The following HACD4 variants were observed in gnomAD, a reference collection of about 807,000 sequenced individuals.
The protein encoded by HACD4 is 3-hydroxyacyl-CoA dehydratase 4, also known as very-long-chain (3R)-3-hydroxyacyl-CoA dehydratase 4.
In HACD4, 35 loss-of-function variants were observed where a neutral mutation model predicts 33.3. The ratio of observed to expected loss-of-function variants is 1.05; its 90% CI spans 0.80 to 1.39. The LOEUF is 1.39. Among genes scored for constraint, HACD4 ranks in the 40% most tolerant of loss-of-function variants. The probability of loss-of-function intolerance (pLI) is 0.00; values close to 1 mark genes in which losing one functional copy is unlikely to be tolerated. For missense variants in HACD4, 323 were observed against 276.5 expected, an observed-to-expected ratio of 1.17 and a Z score of -1.19; for synonymous variants, 118 against 98.0, an observed-to-expected ratio of 1.20 and a Z score of -1.21.
intron 3 of HACD4, among the ~76,000 whole-genome samples, chr9:21,020,683 CT>C (rs1351661053): frequency 6.6e-6 from 1 of 152,078 alleles, no homozygotes; most frequent in Non-Finnish European, 1.5e-5. Context: ...TTTTATGCTT[CT>C]TTTGGACCAT....
chr9:21,009,728 G>A (rs905277150), intron 5 of HACD4, among the ~76,000 whole-genome samples: 6 of 152,092 alleles, frequency 3.9e-5, no homozygotes, highest in African/African-American at 1.4e-4. Context: ...ATTAAGCACA[G>A]TCACCCTGCT....
intron 3 of HACD4, among the ~76,000 whole-genome samples, chr9:21,019,701 T>A (rs1817855238): frequency 6.6e-6 from 1 of 152,082 alleles, no homozygotes; most frequent in African/African-American, 2.4e-5. Context: ...GATTCTAAAA[T>A]CTTACCTACA....
intron 3 of HACD4, among the ~76,000 whole-genome samples, chr9:21,019,761 A>C (rs12379193): frequency 0.024 from 3,607 of 152,170 alleles, 67 homozygotes; most frequent in Middle Eastern, 0.071. Context: ...AAATTTGGAG[A>C]ATGTTACAAC....
In HACD4 at chr9:21,000,257, T is replaced by G. The variant is rs925755170; in HGVS notation, c.*6780A>C. The G allele has an allele frequency of 6.6e-6, 1 of 152,204 alleles. No homozygotes were observed. Among genetic ancestry groups the G allele is most frequent in the Non-Finnish European group, 1.5e-5 (1 of 68,018 alleles). The allele number at this position is 152,204 out of a possible 1,614,324, so 9.4% of individuals were successfully genotyped here. On this transcript the variant is annotated 3_prime_UTR_variant, in exon 7 of 7. Coordinates refer to ENST00000495827, the MANE Select transcript of HACD4 (RefSeq NM_001010915.5). ...GCAAAAATAAACTAGTTAGTAATTC[T>G]TACTTGGCATGTTAAAAACATGTTC...
Position 21,003,736 on chromosome 9 carries a change from C to A in HACD4, c.*3301G>T, listed in dbSNP as rs1013536299. Reference sequence around the variant, plus strand: ...CTTTACCAAAAATTGAGTGATACATCAATGATACAGCAATGACTATCAGTT... The same window carrying A: ...CTTTACCAAAAATTGAGTGATACATAAATGATACAGCAATGACTATCAGTT... On this transcript the variant is annotated 3_prime_UTR_variant, in exon 7 of 7. Coordinates refer to ENST00000495827, the MANE Select transcript of HACD4 (RefSeq NM_001010915.5). The A allele has an allele frequency of 2.6e-5, 4 of 152,046 alleles. No homozygotes were observed. Among genetic ancestry groups the A allele is most frequent in the Non-Finnish European group, 5.9e-5 (4 of 67,984 alleles). The allele number at this position is 152,046 out of a possible 1,614,324, so 9.4% of individuals were successfully genotyped here.
Position 21,005,416 on chromosome 9 carries a change from T to G in HACD4, c.*1621A>C, listed in dbSNP as rs1392439206. 1 of 152,170 alleles carries G rather than the reference T, an allele frequency of 6.6e-6. No individual in the cohort carries two copies. Among genetic ancestry groups the G allele is most frequent in the Non-Finnish European group, 1.5e-5 (1 of 68,046 alleles). The allele number at this position is 152,170 out of a possible 1,614,324, so 9.4% of individuals were successfully genotyped here. A position where few individuals can be genotyped will look rare whatever the true frequency, so the allele number is the denominator to read the frequency against. ...AGCAGACAAGTCATCCAATTAGATT[T>G]ATGTGGGTGTGAACCACAGACCTAA... On this transcript the variant is annotated 3_prime_UTR_variant, in exon 7 of 7. Transcript: ENST00000495827. The surrounding 1 kb of genome is among the most constrained non-coding windows in gnomAD (Gnocchi z 4.0).
At chr9:21,007,598 G>A (rs1334646124) in intron 6 of HACD4, among the ~76,000 whole-genome samples, 1 of 152,100 alleles carries the variant, frequency 6.6e-6, no homozygotes, top group African/African-American at 2.4e-5. Flanking sequence ...TCTTGAGTCT[G>A]TAACACCGAC....
At chr9:21,028,613 T>G (rs1818126550) in intron 2 of HACD4, among the ~76,000 whole-genome samples, 1 of 152,226 alleles carries the variant, frequency 6.6e-6, no homozygotes, top group African/African-American at 2.4e-5. Context: ...AGCCAGCAGT[T>G]GCTTAGATTG....
At chr9:21,029,982 A>C (rs1818166000) in intron 1 of HACD4, among the ~76,000 whole-genome samples, 1 of 152,164 alleles carries the variant, frequency 6.6e-6, no homozygotes, top group African/African-American at 2.4e-5. Flanking sequence ...CACCATCACA[A>C]AGTTTAAAAA....
intron 5 of HACD4, among the ~76,000 whole-genome samples, chr9:21,011,253 A>G (rs1405948422): frequency 6.6e-6 from 1 of 152,360 alleles, no homozygotes; most frequent in East Asian, 1.9e-4. Context: ...TCTGTGCATT[A>G]AAAGTTAAAA....
At chr9:21,013,537 A>T (rs1425952143) in intron 4 of HACD4, among the ~76,000 whole-genome samples, 1 of 152,194 alleles carries the variant, frequency 6.6e-6, no homozygotes. Context: ...CAATTTCTGC[A>T]ATGAAGTTAT....
chr9:21,013,419 G>T (rs1231707895), intron 4 of HACD4, among the ~76,000 whole-genome samples: 1 of 152,154 alleles, frequency 6.6e-6, no homozygotes, highest in Non-Finnish European at 1.5e-5. Flanking sequence ...TTGCTTTGTA[G>T]TAAGTTTTGA....
At position 21,030,416 on chromosome 9, in the gene HACD4, T is replaced by G. The variant is rs569825498; in HGVS notation, c.39-1018A>C. On this transcript the variant is annotated intron_variant, in intron 1 of 6. Coordinates refer to ENST00000495827, the MANE Select transcript of HACD4 (RefSeq NM_001010915.5). ...GAGACAGCGCCACTGCACTCCAGCC[T>G]GGGCGACAGATCAAAACTCTGTTCT... Among the ~76,000 whole-genome samples the G allele has an allele frequency of 1.2e-4, 19 of 152,150 alleles. No homozygotes were observed. In the East Asian group the frequency reaches 2.7e-3, roughly 22 times the overall value.
intron 6 of HACD4, among the ~76,000 whole-genome samples, chr9:21,007,582 C>T (rs924369692): frequency 6.6e-6 from 1 of 152,130 alleles, no homozygotes; most frequent in Non-Finnish European, 1.5e-5. Context: ...TTGTTCCATA[C>T]ATTTCTCTTG....
intron 4 of HACD4, 118 bp downstream of exon 4, chr9:21,015,780 T>A (rs1160158671): frequency 7.0e-6 from 4 of 569,598 alleles, no homozygotes; most frequent in African/African-American, 1.9e-5. Context: ...GATAAAATAA[T>A]TTGAAAAGGG....
At chr9:21,011,752 G>A in intron 4 of HACD4, 57 bp from the exon 5 acceptor site, 2 of 840,060 alleles carry the variant, frequency 2.4e-6, no homozygotes, top group South Asian at 1.5e-5. Context: ...TGGGAAATAG[G>A]AGAAACTACT....
intron 2 of HACD4, among the ~76,000 whole-genome samples, chr9:21,027,746 C>CACTT (rs1442678129): frequency 6.6e-6 from 1 of 152,204 alleles, no homozygotes; most frequent in Middle Eastern, 3.2e-3. Flanking sequence ...ACTGAAACCA[C>CACTT]ACTTAGTTGT....
At position 21,004,934 on chromosome 9, in the gene HACD4, T is replaced by C. The variant is rs1168986203; in HGVS notation, c.*2103A>G. On this transcript the variant is annotated 3_prime_UTR_variant, in exon 7 of 7. Transcript: ENST00000495827. The surrounding 1 kb of genome is among the most constrained non-coding windows in gnomAD (Gnocchi z 4.6). ...CATGAAGGGATTGATAGAGGTGATT[T>C]TGGTGAGGGCTCAAAGAGAAGAGGG... is the stretch of plus-strand genomic sequence containing the variant. The C allele has an allele frequency of 1.3e-5, 2 of 152,098 alleles. No homozygotes were observed. Among genetic ancestry groups the C allele is most frequent in the Non-Finnish European group, 2.9e-5 (2 of 68,024 alleles). The allele number at this position is 152,098 out of a possible 1,614,324, so 9.4% of individuals were successfully genotyped here.
intron 3 of HACD4, among the ~76,000 whole-genome samples, chr9:21,021,752 A>G (rs1255204567): frequency 6.6e-6 from 1 of 152,212 alleles, no homozygotes; most frequent in East Asian, 1.9e-4. Context: ...ATGGAAGAAC[A>G]TTCCATGCTC....
Sources: gnomAD v4.1 joint callset for allele counts (sites outside exome capture counted in the v4.1 genomes callset) on GRCh38, gnomAD v4.1.1 for gene constraint, Gnocchi (gnomAD v3.1) non-coding constraint, MANE v1.5 for transcripts, NCBI Gene and HGNC (gene_info 2026-07-23, HGNC 2026-07-21) for gene names.